FARP2: variants seen among roughly 807,000 people sequenced by gnomAD.
The protein encoded by FARP2 is FERM, ARHGEF and pleckstrin domain-containing protein 2.
A neutral mutation model predicts 130.5 loss-of-function variants in FARP2; 111 were observed. That is an observed-to-expected ratio of 0.85 (90% CI 0.73 to 1.00). FARP2 has a LOEUF of 1.00. Among genes scored for constraint, FARP2 ranks in the 50% least tolerant of loss-of-function variants. The pLI is 0.00. For synonymous variants in FARP2, 504 were observed against 516.9 expected (o/e 0.98, Z 0.34); for missense variants, 1,385 against 1,346.3 (o/e 1.03, Z -0.45).
At chr2:241,452,584 T>A (rs921599348) in intron 13 of FARP2, among the ~76,000 whole-genome samples, 1 of 151,814 alleles carries the variant, frequency 6.6e-6, no homozygotes, top group African/African-American at 2.4e-5. Context: ...AAGAGGACTG[T>A]TTGAGGCCAG....
intron 5 of FARP2, among the ~76,000 whole-genome samples, chr2:241,410,123 A>T (rs1272130327): frequency 6.6e-6 from 1 of 152,230 alleles, no homozygotes; most frequent in African/African-American, 2.4e-5. Context: ...TTATTTGCTG[A>T]TGGAATAAAT....
intron 5 of FARP2, among the ~76,000 whole-genome samples, chr2:241,408,677 A>G (rs2062430316): frequency 6.6e-6 from 1 of 152,222 alleles, no homozygotes. Context: ...CTAAAAAGCA[A>G]CTGAAAACCC....
intron 1 of FARP2, among the ~76,000 whole-genome samples, chr2:241,369,213 TTTTA>T (rs2061375842): frequency 7.3e-6 from 1 of 136,770 alleles, no homozygotes; most frequent in African/African-American, 2.5e-5. Context: ...GAAAAGTGTT[TTTTA>T]TTTGTCTAGT....
chr2:241,439,075 G>A (rs969015845), intron 12 of FARP2, among the ~76,000 whole-genome samples: 6 of 151,592 alleles, frequency 4.0e-5, no homozygotes, highest in Non-Finnish European at 8.8e-5. Context: ...CATCTCGGCT[G>A]CATGATCACA....
intron 8 of FARP2, among the ~76,000 whole-genome samples, chr2:241,428,836 ACCCATCAGGATATT>A (rs1285912504): frequency 4.6e-5 from 7 of 152,172 alleles, no homozygotes; most frequent in Non-Finnish European, 1.0e-4. Flanking sequence ...CAGAACAGGC[ACCCATCAGGATATT>A]CCCTCTCTAT....
intron 2 of FARP2, 152 bp downstream of exon 2, chr2:241,373,442 C>A: frequency 2.1e-6 from 1 of 465,400 alleles, no homozygotes; most frequent in Non-Finnish European, 3.7e-6. Flanking sequence ...AACAGTAAAT[C>A]TGAATTTCTC....
chr2:241,458,410 C>T (rs1308445991), intron 14 of FARP2, among the ~76,000 whole-genome samples: 2 of 152,180 alleles, frequency 1.3e-5, no homozygotes, highest in African/African-American at 2.4e-5. Context: ...CAGGGCTACC[C>T]GTGGGATGCT....
At chr2:241,357,273 G>C (rs1010620222) in intron 1 of FARP2, among the ~76,000 whole-genome samples, 3 of 152,208 alleles carry the variant, frequency 2.0e-5, no homozygotes, top group African/African-American at 4.8e-5. Flanking sequence ...CTGGGCCACT[G>C]TGTAAATGTT....
At chr2:241,420,080 G>T (rs1003201824) in intron 8 of FARP2, among the ~76,000 whole-genome samples, 1 of 152,202 alleles carries the variant, frequency 6.6e-6, no homozygotes, top group Admixed American at 6.5e-5. Flanking sequence ...GAGCCCAGGA[G>T]GTCGAGGCTA....
rs1023926381 is a variant in FARP2 at position 241,410,952 on chromosome 2, G to A, written c.411-81G>A. The A allele has an allele frequency of 8.1e-6, 8 of 991,082 alleles. No homozygotes were observed. The Admixed American group carries it at 1.0e-4, about 12-fold the overall frequency. The allele number at this position is 991,082 out of a possible 1,614,324, so 61.4% of individuals were successfully genotyped here. ...TGCCACTTCCCAGGGCTCATTTGCT[G>A]TCTTGCTGTGGAGACATGTCTATGT... On this transcript the variant is annotated intron_variant, in intron 5 of 26. Transcript: ENST00000264042.
At chr2:241,478,461 A>G (rs1170810438) in intron 19 of FARP2, 4 of 269,638 alleles carry the variant, frequency 1.5e-5, no homozygotes, top group African/African-American at 9.1e-5. Context: ...GGTGGCACCT[A>G]CTTTCTCACC....
intron 2 of FARP2, among the ~76,000 whole-genome samples, chr2:241,402,472 C>T (rs2062194656): frequency 6.6e-6 from 1 of 152,002 alleles, no homozygotes; most frequent in Admixed American, 6.6e-5. Flanking sequence ...TTCTAGATAA[C>T]TTTGTTAAAT....
intron 13 of FARP2, chr2:241,443,623 A>T (rs1196024948): frequency 6.6e-6 from 1 of 152,298 alleles, no homozygotes; most frequent in Non-Finnish European, 1.5e-5. Context: ...GTCAAGGCTG[A>T]TGTTTGTGGC....
chr2:241,466,664 C>T (rs1574882830), intron 17 of FARP2: 1 of 954,054 alleles, frequency 1.0e-6, no homozygotes, highest in African/African-American at 1.9e-5. Context: ...AGCGGGCCAG[C>T]CCCGCCTTCA....
Position 241,360,242 on chromosome 2 carries a change from G to A in FARP2, c.-25+3854G>A, listed in dbSNP as rs187963524. 1.8e-3 allele frequency among the ~76,000 whole-genome samples: 275 copies of A among 152,294 alleles called. 1 individual carries two copies. Among genetic ancestry groups the A allele is most frequent in the Non-Finnish European group, 2.5e-3 (171 of 68,026 alleles). ...TGAATGAATTAATCAGATTTCTTCTGAGGCAGAGGTAGATGCCAGGTTTTA... is the reference window on the plus strand; with the variant it reads ...TGAATGAATTAATCAGATTTCTTCTAAGGCAGAGGTAGATGCCAGGTTTTA... On this transcript the variant is annotated intron_variant, in intron 1 of 26. Transcript: ENST00000264042.
At chr2:241,412,895 G>A (rs2062557848) in intron 6 of FARP2, among the ~76,000 whole-genome samples, 2 of 152,136 alleles carry the variant, frequency 1.3e-5, no homozygotes, top group Admixed American at 6.6e-5. Context: ...GGGCATGATG[G>A]TGCTTACCTA....
At chr2:241,452,009 C>T (rs1202417694) in intron 13 of FARP2, among the ~76,000 whole-genome samples, 3 of 152,356 alleles carry the variant, frequency 2.0e-5, no homozygotes, top group Admixed American at 2.0e-4. Flanking sequence ...CCTGCTTGAG[C>T]TTCCCAAAGT....
In FARP2 at chr2:241,369,571, A is replaced by G. The variant is rs191320994; in HGVS notation, c.-24-3513A>G. 1.8e-4 allele frequency among the ~76,000 whole-genome samples: 28 copies of G among 152,100 alleles called. 1 individual carries two copies. The highest frequency in any genetic ancestry group is 5.6e-4 in the African/African-American group (23 of 41,410). ...TTTTAGCAGTAGATGTTTAGACATG[A>G]CTTTCTTATAATGAGTAGAAGAGAA... On this transcript the variant is annotated intron_variant, in intron 1 of 26. Coordinates refer to ENST00000264042, the MANE Select transcript of FARP2 (RefSeq NM_014808.4).
chr2:241,407,056 C>A (rs60890112), intron 4 of FARP2, among the ~76,000 whole-genome samples: 2 of 151,966 alleles, frequency 1.3e-5, no homozygotes, highest in African/African-American at 4.8e-5. Flanking sequence ...GATCCGCCCC[C>A]CTCAGCCTCC....
Sources: allele counts gnomAD v4.1 joint callset (sites outside exome capture counted in the v4.1 genomes callset), GRCh38; gene constraint gnomAD v4.1.1; transcripts MANE v1.5; gene names NCBI Gene and HGNC (gene_info 2026-07-23, HGNC 2026-07-21).